The following KIAA0825 variants were observed in gnomAD, a reference collection of about 807,000 sequenced individuals.
KIAA0825 encodes uncharacterized protein KIAA0825.
In KIAA0825, 119 loss-of-function variants were observed where a neutral mutation model predicts 147.6. The observed-to-expected ratio is 0.81, with a 90% CI of 0.69 to 0.94. KIAA0825 has a LOEUF of 0.94. Ranked by LOEUF, KIAA0825 falls within the 40% of genes least tolerant of loss-of-function variation. The probability of loss-of-function intolerance (pLI) is 0.00; values close to 1 mark genes in which losing one functional copy is unlikely to be tolerated. For synonymous variants in KIAA0825, 470 were observed against 518.1 expected (o/e 0.91, Z 1.26); for missense variants, 1,381 against 1,472.7 (o/e 0.94, Z 1.02).
At chr5:94,361,822 TC>T (rs1196956225) in intron 20 of KIAA0825, among the ~76,000 whole-genome samples, 1 of 152,188 alleles carries the variant, frequency 6.6e-6, no homozygotes, top group Non-Finnish European at 1.5e-5. Context: ...ACCTGCCAGT[TC>T]AGAGCAACAA....
chr5:94,401,509 T>A (rs766885436), intron 16 of KIAA0825, among the ~76,000 whole-genome samples: 1 of 152,084 alleles, frequency 6.6e-6, no homozygotes, highest in Non-Finnish European at 1.5e-5. Context: ...TACTGTGTGC[T>A]GAAAGCTAAA....
intron 20 of KIAA0825, among the ~76,000 whole-genome samples, chr5:94,297,008 G>A (rs535227398): frequency 9.2e-5 from 14 of 152,206 alleles, no homozygotes; most frequent in Non-Finnish European, 2.1e-4. Context: ...TGCTATTGTG[G>A]TTTTAGTTGA....
intron 20 of KIAA0825, among the ~76,000 whole-genome samples, chr5:94,205,740 C>G (rs1239049198): frequency 6.6e-6 from 1 of 152,074 alleles, no homozygotes; most frequent in Non-Finnish European, 1.5e-5. Context: ...GAAATGTTGC[C>G]ATAGACCCAC....
intron 12 of KIAA0825, among the ~76,000 whole-genome samples, chr5:94,456,258 C>T (rs1310558661): frequency 6.6e-6 from 1 of 152,130 alleles, no homozygotes. Flanking sequence ...TATCTGAGGG[C>T]CACTTCATTC....
At chr5:94,162,072 A>T (rs1767636139) in intron 20 of KIAA0825, among the ~76,000 whole-genome samples, 1 of 152,124 alleles carries the variant, frequency 6.6e-6, no homozygotes, top group Admixed American at 6.5e-5. Flanking sequence ...TCTAAATGAC[A>T]CCAGTATGGC....
intron 19 of KIAA0825, among the ~76,000 whole-genome samples, chr5:94,385,998 C>T (rs1387329754): frequency 2.0e-5 from 3 of 152,102 alleles, no homozygotes; most frequent in Admixed American, 1.3e-4. Context: ...GTTCCCTCTG[C>T]CCATGGTAAA....
intron 20 of KIAA0825, among the ~76,000 whole-genome samples, chr5:94,228,840 C>G (rs552407460): frequency 2.5e-4 from 38 of 152,302 alleles, no homozygotes; most frequent in Admixed American, 9.8e-4. Flanking sequence ...TCAACATGTT[C>G]TGTGTCATGG....
chr5:94,488,573 T>G (rs189618026), intron 5 of KIAA0825, among the ~76,000 whole-genome samples: 410 of 152,194 alleles, frequency 2.7e-3, no homozygotes, highest in Middle Eastern at 0.01. Context: ...ATAATTTTAA[T>G]AAGAATTTTT....
intron 20 of KIAA0825, among the ~76,000 whole-genome samples, chr5:94,204,919 C>G (rs60583554): frequency 0.018 from 2,702 of 151,960 alleles, 88 homozygotes; most frequent in African/African-American, 0.061. Context: ...ATAGATGCTG[C>G]CTTTAATACC....
intron 13 of KIAA0825, among the ~76,000 whole-genome samples, chr5:94,447,637 A>C (rs1757901154): frequency 6.6e-6 from 1 of 152,152 alleles, no homozygotes; most frequent in African/African-American, 2.4e-5. Context: ...TTTTGAATGC[A>C]TTTATTGAAG....
In KIAA0825 at chr5:94,261,086, G is replaced by T. The variant is rs187647040; in HGVS notation, c.3711-106962C>A. On this transcript the variant is annotated intron_variant, in intron 20 of 20. Transcript: ENST00000682413. ...GGAGGCTGAGGTGGGAGGATTGCTT[G>T]AGCCCAGGAGTTCGAGACCAGACTG... Among the ~76,000 whole-genome samples the T allele has an allele frequency of 3.2e-4, 48 of 151,764 alleles. No individual in the cohort carries two copies. The East Asian group carries it at 9.1e-3, about 29-fold the overall frequency.
At chr5:94,192,265 C>G (rs1346357444) in intron 20 of KIAA0825, among the ~76,000 whole-genome samples, 2 of 152,196 alleles carry the variant, frequency 1.3e-5, no homozygotes, top group African/African-American at 2.4e-5. Context: ...TCACATCACA[C>G]AAGGTGAAGG....
At chr5:94,187,904 T>C (rs1376610823) in intron 20 of KIAA0825, among the ~76,000 whole-genome samples, 1 of 152,208 alleles carries the variant, frequency 6.6e-6, no homozygotes, top group Admixed American at 6.5e-5. Context: ...TGGATGTTTG[T>C]ATTCCTCCAA....
intron 20 of KIAA0825, among the ~76,000 whole-genome samples, chr5:94,160,112 G>A (rs1410947639): frequency 6.6e-6 from 1 of 152,128 alleles, no homozygotes; most frequent in Non-Finnish European, 1.5e-5. Flanking sequence ...AGAGGGGAAA[G>A]TAATGTCTCT....
intron 20 of KIAA0825, among the ~76,000 whole-genome samples, chr5:94,186,110 A>T (rs886916209): frequency 6.6e-6 from 1 of 152,208 alleles, no homozygotes; most frequent in Non-Finnish European, 1.5e-5. Context: ...AAACACATTA[A>T]TATATCTGCA....
intron 20 of KIAA0825, among the ~76,000 whole-genome samples, chr5:94,339,778 C>G (rs1236996467): frequency 1.3e-5 from 2 of 152,208 alleles, no homozygotes; most frequent in African/African-American, 4.8e-5. Context: ...TGTATTGAAT[C>G]TCATTTAGCA....
chr5:94,206,294 C>T (rs565887563), intron 20 of KIAA0825, among the ~76,000 whole-genome samples: 63 of 152,148 alleles, frequency 4.1e-4, no homozygotes, highest in Non-Finnish European at 8.1e-4. Context: ...CACTGTGTCA[C>T]GTTTTTGAAG....
rs531632152 is a variant in KIAA0825 at position 94,243,349 on chromosome 5, C to T, written c.3711-89225G>A. 9.8e-4 allele frequency among the ~76,000 whole-genome samples: 149 copies of T among 152,312 alleles called. 1 individual carries two copies. The highest frequency in any genetic ancestry group is 3.5e-3 in the African/African-American group (145 of 41,576). On this transcript the variant is annotated intron_variant, in intron 20 of 20. Transcript: ENST00000682413. ...GAATGGCAGGCCTTGCAGGGTATAA[C>T]ATCCTGGGCTGAACAGTCTGGAGCC...
chr5:94,456,993 G>A (rs1759195481), intron 12 of KIAA0825, among the ~76,000 whole-genome samples: 1 of 152,146 alleles, frequency 6.6e-6, no homozygotes, highest in African/African-American at 2.4e-5. Context: ...GAGCATTTCT[G>A]CCAGTACCTA....
Sources: allele counts gnomAD v4.1 joint callset (sites outside exome capture counted in the v4.1 genomes callset), GRCh38; gene constraint gnomAD v4.1.1; transcripts MANE v1.5; gene names NCBI Gene and HGNC (gene_info 2026-07-23, HGNC 2026-07-21).